Variants in KCND3 observed in about 807,000 individuals in gnomAD.
KCND3 encodes A-type voltage-gated potassium channel KCND3.
A neutral mutation model predicts 51.1 loss-of-function variants in KCND3; 9 were observed. The ratio of observed to expected loss-of-function variants is 0.18; its 90% CI spans 0.11 to 0.31. The LOEUF (loss-of-function observed/expected upper bound fraction) is 0.31. KCND3 is among the 10% of genes least tolerant of loss of function. The pLI is 1.00. For synonymous variants in KCND3, 349 were observed against 368.0 expected, an observed-to-expected ratio of 0.95 and a Z score of 0.59; for missense variants, 526 against 903.8, an observed-to-expected ratio of 0.58 and a Z score of 5.36.
chr1:111,795,170 C>T (rs1168140756), intron 2 of KCND3, among the ~76,000 whole-genome samples: 1 of 152,190 alleles, frequency 6.6e-6, no homozygotes, highest in African/African-American at 2.4e-5. Flanking sequence ...TATCACCTCT[C>T]CTTTCTACCA....
chr1:111,959,864 T>C (rs1673543277), intron 2 of KCND3, among the ~76,000 whole-genome samples: 1 of 152,120 alleles, frequency 6.6e-6, no homozygotes, highest in Non-Finnish European at 1.5e-5. Flanking sequence ...GTAGTTCCCG[T>C]AATCCCCATA....
intron 2 of KCND3, among the ~76,000 whole-genome samples, chr1:111,824,472 G>T (rs1666487854): frequency 6.6e-6 from 1 of 152,166 alleles, no homozygotes; most frequent in African/African-American, 2.4e-5. Context: ...AGATGCTGTT[G>T]TCTGCTTAAG....
chr1:111,796,136 T>C (rs1450464592), intron 2 of KCND3, among the ~76,000 whole-genome samples: 1 of 152,220 alleles, frequency 6.6e-6, no homozygotes, highest in African/African-American at 2.4e-5. Context: ...ATTCTGTAGG[T>C]TGTCTGTTCA....
intron 2 of KCND3, among the ~76,000 whole-genome samples, chr1:111,945,310 G>C (rs1335901362): frequency 3.3e-5 from 5 of 152,238 alleles, no homozygotes; most frequent in Non-Finnish European, 7.3e-5. Flanking sequence ...TTTCATGGAA[G>C]ACAAATTCAC....
chr1:111,791,297 T>C (rs138405231), intron 2 of KCND3, among the ~76,000 whole-genome samples: 38 of 152,352 alleles, frequency 2.5e-4, no homozygotes, highest in African/African-American at 9.1e-4. Flanking sequence ...GTTGAACATC[T>C]TTTCCCCTTC....
At chr1:111,928,454 G>A (rs1428409602) in intron 2 of KCND3, among the ~76,000 whole-genome samples, 1 of 152,228 alleles carries the variant, frequency 6.6e-6, no homozygotes, top group African/African-American at 2.4e-5. Context: ...AAAGCAGCGG[G>A]AATGAAGCTC....
intron 2 of KCND3, among the ~76,000 whole-genome samples, chr1:111,920,838 T>C (rs1671443172): frequency 6.6e-6 from 1 of 152,250 alleles, no homozygotes; most frequent in Non-Finnish European, 1.5e-5. Flanking sequence ...CCAGGACTCC[T>C]CTTCTGGGGA....
chr1:111,828,371 G>A (rs1342015289), intron 2 of KCND3, among the ~76,000 whole-genome samples: 1 of 152,176 alleles, frequency 6.6e-6, no homozygotes, highest in Admixed American at 6.5e-5. Context: ...GTCTGGGTTT[G>A]TAGCTGTTAC....
At chr1:111,838,542 A>C (rs981077220) in intron 2 of KCND3, among the ~76,000 whole-genome samples, 3 of 152,176 alleles carry the variant, frequency 2.0e-5, no homozygotes, top group African/African-American at 7.2e-5. Context: ...CTGTAATCCC[A>C]GCTACTCGGG....
At chr1:111,912,858 G>A (rs78438069) in intron 2 of KCND3, among the ~76,000 whole-genome samples, 9,125 of 152,226 alleles carry the variant, frequency 0.06, 317 homozygotes, top group African/African-American at 0.089. Flanking sequence ...TACTGGAAGA[G>A]TCAAAAAGTT....
intron 2 of KCND3, among the ~76,000 whole-genome samples, chr1:111,852,210 G>A (rs1368667443): frequency 6.6e-6 from 1 of 152,250 alleles, no homozygotes; most frequent in Non-Finnish European, 1.5e-5. Flanking sequence ...AAGTCTGAGT[G>A]GTCAGTGGTT....
intron 2 of KCND3, among the ~76,000 whole-genome samples, chr1:111,903,159 C>A (rs1670472027): frequency 6.6e-6 from 1 of 152,180 alleles, no homozygotes; most frequent in Non-Finnish European, 1.5e-5. Flanking sequence ...CTCAGCCTGG[C>A]TCACTGTTCC....
At chr1:111,804,356 C>T (rs1665464590) in intron 2 of KCND3, among the ~76,000 whole-genome samples, 1 of 152,206 alleles carries the variant, frequency 6.6e-6, no homozygotes, top group South Asian at 2.1e-4. Flanking sequence ...TAGCAGGGAC[C>T]CATCTGTCAG....
Position 111,771,398 on chromosome 1 carries a change from G to T in KCND3, c.*4679C>A, listed in dbSNP as rs1323503796. 3 of 152,140 alleles carry T rather than the reference G, an allele frequency of 2.0e-5. No individual in the cohort carries two copies. The highest frequency in any genetic ancestry group is 6.5e-5 in the Admixed American group (1 of 15,272). The allele number at this position is 152,140 out of a possible 1,614,324, so 9.4% of individuals were successfully genotyped here. On this transcript the variant is annotated 3_prime_UTR_variant, in exon 8 of 8. Transcript: ENST00000302127. Reference sequence around the variant, plus strand: ...AGGAAATCAGAAAGAGAAAATAAAAGTTTGTCATGGTTACCATGCCAAGTA... The same window carrying T: ...AGGAAATCAGAAAGAGAAAATAAAATTTTGTCATGGTTACCATGCCAAGTA...
At chr1:111,927,270 G>A in intron 2 of KCND3, among the ~76,000 whole-genome samples, 1 of 152,218 alleles carries the variant, frequency 6.6e-6, no homozygotes, top group Non-Finnish European at 1.5e-5. Flanking sequence ...GCTGTGAGGA[G>A]CAGGGCTCCC....
chr1:111,798,690 A>C (rs1002948733), intron 2 of KCND3, among the ~76,000 whole-genome samples: 3 of 151,706 alleles, frequency 2.0e-5, no homozygotes, highest in Middle Eastern at 3.4e-3. Flanking sequence ...TATCCTTGGT[A>C]CCTAGAACCA....
chr1:111,807,197 C>T (rs984670871), intron 2 of KCND3, among the ~76,000 whole-genome samples: 1 of 152,160 alleles, frequency 6.6e-6, no homozygotes, highest in African/African-American at 2.4e-5. Context: ...TAAAAAGAGA[C>T]CCCCAAAGAA....
At chr1:111,790,797 T>G (rs1664793942) in intron 2 of KCND3, among the ~76,000 whole-genome samples, 1 of 152,226 alleles carries the variant, frequency 6.6e-6, no homozygotes, top group African/African-American at 2.4e-5. Flanking sequence ...TGTCCCCGTT[T>G]TGGACAATTC....
chr1:111,806,528 T>C (rs1390074877), intron 2 of KCND3, among the ~76,000 whole-genome samples: 1 of 152,260 alleles, frequency 6.6e-6, no homozygotes, highest in Non-Finnish European at 1.5e-5. Flanking sequence ...GGAATATTTA[T>C]ATTTACTCAT....
Sources: gnomAD v4.1 joint callset for allele counts (sites outside exome capture counted in the v4.1 genomes callset) on GRCh38, gnomAD v4.1.1 for gene constraint, MANE v1.5 for transcripts, NCBI Gene and HGNC (gene_info 2026-07-23, HGNC 2026-07-21) for gene names.